The following PTPRD variants were observed in gnomAD, a reference collection of about 807,000 sequenced individuals.
PTPRD encodes the protein protein tyrosine phosphatase receptor type D.
PTPRD carries 34 observed loss-of-function variants against 214.5 expected under a neutral mutation model. The ratio of observed to expected loss-of-function variants is 0.16; its 90% CI spans 0.12 to 0.21. PTPRD has a LOEUF of 0.21. Ranked by LOEUF, PTPRD falls within the 10% of genes least tolerant of loss-of-function variation. PTPRD has a pLI of 1.00. For missense variants in PTPRD, 2,545 were observed against 2,398.7 expected, an observed-to-expected ratio of 1.06 and a Z score of -1.27; for synonymous variants, 1,128 against 845.7, an observed-to-expected ratio of 1.33 and a Z score of -5.79.
At chr9:8,439,728 C>T (rs1247804088) in intron 34 of PTPRD, among the ~76,000 whole-genome samples, 1 of 151,948 alleles carries the variant, frequency 6.6e-6, no homozygotes, top group African/African-American at 2.4e-5. Flanking sequence ...AACATCTCCG[C>T]TGCCCAATAT....
chr9:9,700,636 T>A (rs2097480553), intron 7 of PTPRD, among the ~76,000 whole-genome samples: 1 of 152,054 alleles, frequency 6.6e-6, no homozygotes, highest in South Asian at 2.1e-4. Context: ...ATTCAATGTA[T>A]GATGATGAAT....
intron 3 of PTPRD, among the ~76,000 whole-genome samples, chr9:10,231,750 G>A (rs1369178993): frequency 6.6e-6 from 1 of 151,894 alleles, no homozygotes; most frequent in Non-Finnish European, 1.5e-5. Flanking sequence ...GAAATGTTCT[G>A]CTGTGGTTTG....
chr9:9,672,633 A>G (rs553386557), intron 7 of PTPRD, among the ~76,000 whole-genome samples: 2 of 152,202 alleles, frequency 1.3e-5, no homozygotes, highest in African/African-American at 4.8e-5. Flanking sequence ...GATTTGAAGT[A>G]AATTTTTGAG....
intron 2 of PTPRD, among the ~76,000 whole-genome samples, chr9:10,586,005 T>C (rs1401270492): frequency 3.9e-5 from 6 of 152,044 alleles, no homozygotes. Flanking sequence ...AAGCTATAAA[T>C]CTAAATGTTG....
chr9:10,112,582 A>G (rs1441935110), intron 3 of PTPRD, among the ~76,000 whole-genome samples: 4 of 152,190 alleles, frequency 2.6e-5, no homozygotes, highest in Non-Finnish European at 5.9e-5. Context: ...TAGATGTGTA[A>G]CAGCATATGA....
chr9:10,038,290 T>C (rs1019333962), intron 3 of PTPRD, among the ~76,000 whole-genome samples: 2 of 152,108 alleles, frequency 1.3e-5, no homozygotes, highest in African/African-American at 4.8e-5. Context: ...GATGGCCTAA[T>C]ACAAAGCCAT....
intron 11 of PTPRD, among the ~76,000 whole-genome samples, chr9:8,954,933 G>C (rs1382200390): frequency 6.6e-6 from 1 of 151,832 alleles, no homozygotes; most frequent in African/African-American, 2.4e-5. Flanking sequence ...GCAAAATATA[G>C]ACAACCATGT....
At chr9:10,585,357 CA>C (rs1276205747) in intron 2 of PTPRD, among the ~76,000 whole-genome samples, 1 of 152,004 alleles carries the variant, frequency 6.6e-6, no homozygotes, top group East Asian at 1.9e-4. Flanking sequence ...TCACCTTTTA[CA>C]TGCTCTTCTA....
At chr9:9,978,115 C>CGCACACACACAA (rs1430304151) in intron 4 of PTPRD, among the ~76,000 whole-genome samples, 2 of 151,886 alleles carry the variant, frequency 1.3e-5, no homozygotes, top group Non-Finnish European at 2.9e-5. Flanking sequence ...CACACACACA[C>CGCACACACACAA]GTGGGAGAAA....
intron 9 of PTPRD, among the ~76,000 whole-genome samples, chr9:9,374,770 C>T (rs1040358080): frequency 6.6e-6 from 1 of 152,282 alleles, no homozygotes; most frequent in South Asian, 2.1e-4. Context: ...TGCCCCAGGG[C>T]CATCTTTGTC....
At chr9:9,007,827 A>T in intron 11 of PTPRD, among the ~76,000 whole-genome samples, 1 of 139,928 alleles carries the variant, frequency 7.1e-6, no homozygotes. Context: ...ATAAATATAT[A>T]ATTTTTATTT....
rs1310228362 is a variant in PTPRD, at chr9:9,835,416, C to G, written c.-367-68565G>C. ...CTCAGAGCAAAAGAAGGCTTTCTAA[C>G]TTGTAAAGGTGGCAGTGCAAGAATC... On this transcript the variant is annotated intron_variant, in intron 5 of 45. Coordinates refer to ENST00000381196, the MANE Select transcript of PTPRD (RefSeq NM_002839.4). 3.3e-5 allele frequency among the ~76,000 whole-genome samples: 5 copies of G among 152,048 alleles called. No homozygotes were observed. In the East Asian group the frequency reaches 7.7e-4, roughly 23 times the overall value.
chr9:8,676,912 G>A (rs760320607), intron 12 of PTPRD, among the ~76,000 whole-genome samples: 4 of 152,138 alleles, frequency 2.6e-5, no homozygotes, highest in Non-Finnish European at 4.4e-5. Flanking sequence ...AAAAAACGGA[G>A]TGCTTGGCAC....
chr9:9,760,647 CACACACAT>C (rs769149081), intron 6 of PTPRD, among the ~76,000 whole-genome samples: 3,455 of 93,206 alleles, frequency 0.037, 38 homozygotes, highest in South Asian at 0.064. Context: ...CACACACACA[CACACACAT>C]ATATATATAT....
chr9:9,057,219 A>G (rs950624920), intron 10 of PTPRD, among the ~76,000 whole-genome samples: 1 of 152,224 alleles, frequency 6.6e-6, no homozygotes, highest in Non-Finnish European at 1.5e-5. Context: ...AAGTTAAAAT[A>G]CATTCAAAAG....
chr9:8,318,033 A>C, intron 45 of PTPRD, 91 bp from the exon 46 acceptor site: 1 of 1,282,008 alleles, frequency 7.8e-7, no homozygotes, highest in Non-Finnish European at 1.1e-6. Context: ...ATAACAAAAT[A>C]ACATCTATAT....
chr9:9,619,436 A>C (rs2095099463), intron 7 of PTPRD, among the ~76,000 whole-genome samples: 1 of 149,988 alleles, frequency 6.7e-6, no homozygotes, highest in South Asian at 2.1e-4. Flanking sequence ...AATTTAATAT[A>C]TATCTATATA....
intron 36 of PTPRD, among the ~76,000 whole-genome samples, chr9:8,396,166 G>C (rs1212382211): frequency 6.6e-6 from 1 of 152,096 alleles, no homozygotes; most frequent in East Asian, 1.9e-4. Flanking sequence ...TAATCAAAAA[G>C]TCCTGGAACC....
intron 11 of PTPRD, among the ~76,000 whole-genome samples, chr9:8,969,847 A>G (rs937442762): frequency 9.9e-5 from 15 of 152,046 alleles, no homozygotes; most frequent in African/African-American, 3.6e-4. Flanking sequence ...GACTTTTTAT[A>G]GAGTTTACAT....
Sources: gnomAD v4.1 joint callset for allele counts (sites outside exome capture counted in the v4.1 genomes callset) on GRCh38, gnomAD v4.1.1 for gene constraint, MANE v1.5 for transcripts, NCBI Gene and HGNC (gene_info 2026-07-23, HGNC 2026-07-21) for gene names.